The following SCLT1 variants were observed in gnomAD, a reference collection of about 807,000 sequenced individuals.
SCLT1 encodes the protein sodium channel and clathrin linker 1.
A neutral mutation model predicts 112.8 loss-of-function variants in SCLT1; 78 were observed. The observed-to-expected ratio is 0.69, with a 90% CI of 0.58 to 0.83. SCLT1 has a LOEUF of 0.83. Ranked by LOEUF, SCLT1 falls within the 40% of genes least tolerant of loss-of-function variation. The pLI is 0.00. For missense variants in SCLT1, 747 were observed against 770.4 expected (o/e 0.97, Z 0.36); for synonymous variants, 257 against 254.7 (o/e 1.01, Z -0.09).
chr4:128,888,555 T>C, intron 20 of SCLT1, 124 bp downstream of exon 20: 1 of 554,680 alleles, frequency 1.8e-6, no homozygotes, highest in Admixed American at 3.4e-5. Flanking sequence ...CAACCTCACA[T>C]ATTAAAGGGA....
chr4:129,028,957 C>G (rs1746420069), intron 5 of SCLT1, among the ~76,000 whole-genome samples: 1 of 152,158 alleles, frequency 6.6e-6, no homozygotes. Flanking sequence ...CAGAGAAATG[C>G]AAATCAAAAC....
At position 129,049,258 on chromosome 4, in the gene SCLT1, A is replaced by C. The variant is rs1488156024; in HGVS notation, c.103-5207T>G. Reference sequence around the variant, plus strand: ...ATGTCCAACAATGATAGACTGGATTAAGAAAATGTGGCACATATACACCAT... The same window carrying C: ...ATGTCCAACAATGATAGACTGGATTCAGAAAATGTGGCACATATACACCAT... On this transcript the variant is annotated intron_variant, in intron 2 of 20. Coordinates refer to ENST00000281142, the MANE Select transcript of SCLT1 (RefSeq NM_144643.4). Among the ~76,000 whole-genome samples, 5 of 152,020 alleles carry C rather than the reference A, an allele frequency of 3.3e-5. No homozygotes were observed. In the South Asian group the frequency reaches 1.0e-3, roughly 32 times the overall value.
intron 2 of SCLT1, among the ~76,000 whole-genome samples, chr4:129,068,403 T>C (rs1750685700): frequency 6.6e-6 from 1 of 152,222 alleles, no homozygotes; most frequent in Non-Finnish European, 1.5e-5. Context: ...GATTTTTTGA[T>C]AATGGCCATT....
intron 4 of SCLT1, chr4:128,874,775 A>G (rs1022012443): frequency 6.6e-6 from 1 of 152,642 alleles, no homozygotes; most frequent in Non-Finnish European, 1.5e-5. Context: ...TGACCAAGAA[A>G]TATCTTTGAT....
chr4:129,029,566 T>A (rs1028858472), intron 5 of SCLT1, among the ~76,000 whole-genome samples: 5 of 151,132 alleles, frequency 3.3e-5, no homozygotes, highest in African/African-American at 1.2e-4. Context: ...TTAGGAGATA[T>A]ACCTAATGCT....
At chr4:128,946,434 T>G (rs972661621) in intron 15 of SCLT1, among the ~76,000 whole-genome samples, 67 of 152,142 alleles carry the variant, frequency 4.4e-4, no homozygotes, top group Admixed American at 1.6e-3. Context: ...TAGCTGGGCA[T>G]GGTGGCTCAC....
chr4:128,936,811 C>T lies in SCLT1; in HGVS notation c.1673G>A (p.Gly558Glu), dbSNP rs962930772. The change falls in exon 18 of 21, where the codon GGA becomes GAA. Residue 558 changes from glycine to glutamate, a missense_variant. Gly to Glu is a moderately conservative substitution (Grantham distance 98). Transcript: ENST00000281142. ...CATCTCTCTCAATTGAACTTCAAAT[C>T]CACGTTCCTTTATTGAAAATTCATG... ...MEHEFSIKER[G>E]FEVQLREMED... 8.8e-6 allele frequency: 14 copies of T among 1,596,580 alleles called. No individual in the cohort carries two copies. Among genetic ancestry groups the T allele is most frequent in the Admixed American group, 8.7e-5 (5 of 57,670 alleles).
At chr4:128,977,088 T>A (rs1486526737) in intron 9 of SCLT1, among the ~76,000 whole-genome samples, 1 of 152,122 alleles carries the variant, frequency 6.6e-6, no homozygotes, top group East Asian at 1.9e-4. Flanking sequence ...TTATAATAAA[T>A]GAGCAAGAGG....
chr4:128,878,575 A>AAGTACTTAG (rs1732571312), intron 3 of SCLT1, among the ~76,000 whole-genome samples: 1 of 152,158 alleles, frequency 6.6e-6, no homozygotes, highest in Non-Finnish European at 1.5e-5. Flanking sequence ...AACTAGTCTC[A>AAGTACTTAG]AGTACTCTAA....
chr4:129,044,104 T>C (rs1747958844), intron 2 of SCLT1, 53 bp from the exon 3 acceptor site: 1 of 867,250 alleles, frequency 1.2e-6, no homozygotes, highest in East Asian at 2.5e-5. Context: ...CTAGCCAAAA[T>C]TGATAGTGAT....
chr4:128,873,439 A>T (rs1039968427), intron 5 of SCLT1: 4 of 152,640 alleles, frequency 2.6e-5, no homozygotes, highest in African/African-American at 9.7e-5. Flanking sequence ...CTGTAGTCAG[A>T]GTTCTAAACT....
At chr4:129,067,534 A>G (rs921095510) in intron 2 of SCLT1, among the ~76,000 whole-genome samples, 1 of 152,088 alleles carries the variant, frequency 6.6e-6, no homozygotes, top group Admixed American at 6.6e-5. Flanking sequence ...TTTTTGAGAT[A>G]GAGTCTGGCT....
At chr4:129,006,884 C>T (rs180720111) in intron 5 of SCLT1, among the ~76,000 whole-genome samples, 49 of 152,330 alleles carry the variant, frequency 3.2e-4, no homozygotes, top group Admixed American at 1.4e-3. Context: ...CTAATACATA[C>T]TCTTAAGATT....
chr4:129,026,646 A>G (rs1462041838), intron 5 of SCLT1, among the ~76,000 whole-genome samples: 5 of 152,254 alleles, frequency 3.3e-5, no homozygotes, highest in South Asian at 2.1e-4. Flanking sequence ...AAGAACTAGA[A>G]AAGCAAGAGC....
chr4:128,989,630 T>A (rs1030812320), intron 9 of SCLT1, among the ~76,000 whole-genome samples: 11 of 150,460 alleles, frequency 7.3e-5, no homozygotes, highest in Non-Finnish European at 1.6e-4. Flanking sequence ...AGAGCAGAAA[T>A]AAATAAAATT....
intron 2 of SCLT1, 59 bp from the exon 3 acceptor site, chr4:129,044,110 G>A (rs373952469): frequency 1.2e-6 from 1 of 821,976 alleles, no homozygotes. Flanking sequence ...AAAATTGATA[G>A]TGATATAATA....
At chr4:128,926,320 AG>A (rs1432051298) in intron 18 of SCLT1, among the ~76,000 whole-genome samples, 1 of 152,106 alleles carries the variant, frequency 6.6e-6, no homozygotes, top group Non-Finnish European at 1.5e-5. Context: ...GTGTTCAACA[AG>A]GATGTTCCAC....
intron 2 of SCLT1, among the ~76,000 whole-genome samples, chr4:129,070,608 C>T (rs60039381): frequency 0.013 from 2,043 of 152,104 alleles, 47 homozygotes; most frequent in African/African-American, 0.044. Flanking sequence ...TGTAATACCT[C>T]GCGTTTCATT....
chr4:129,003,731 T>A lies in SCLT1; in HGVS notation c.426+10A>T. The A allele has an allele frequency of 6.3e-7, 1 of 1,585,538 alleles. No homozygotes were observed. The highest frequency in any genetic ancestry group is 8.6e-7 in the Non-Finnish European group (1 of 1,168,856). On this transcript the variant is annotated intron_variant, in intron 6 of 20. Coordinates refer to ENST00000281142, the MANE Select transcript of SCLT1 (RefSeq NM_144643.4). ...TCAGAATATAATTTTTAAAAATACATGTCACTCACTTGATTGGCTAGCTGC... is the reference window on the plus strand; with the variant it reads ...TCAGAATATAATTTTTAAAAATACAAGTCACTCACTTGATTGGCTAGCTGC...
Sources: allele counts gnomAD v4.1 joint callset (sites outside exome capture counted in the v4.1 genomes callset), GRCh38; gene constraint gnomAD v4.1.1; transcripts MANE v1.5; gene names NCBI Gene and HGNC (gene_info 2026-07-23, HGNC 2026-07-21).